ARID4A: variants seen among roughly 807,000 people sequenced by gnomAD.
ARID4A encodes AT-rich interaction domain 4A, also known as AT-rich interactive domain-containing protein 4A.
Under a neutral mutation model 148.6 loss-of-function variants are expected in ARID4A, and 39 were observed. That is an observed-to-expected ratio of 0.26 (90% CI 0.20 to 0.34). ARID4A has a LOEUF of 0.34. ARID4A is among the 10% of genes least tolerant of loss of function. The pLI is 1.00. For synonymous variants in ARID4A, 475 were observed against 481.2 expected, an observed-to-expected ratio of 0.99 and a Z score of 0.17; for missense variants, 1,265 against 1,449.1, an observed-to-expected ratio of 0.87 and a Z score of 2.06.
At chr14:58,365,467 C>CTTTTTTTTTTT (rs71107938) in intron 20 of ARID4A, 51 bp from the exon 21 acceptor site, 22 of 351,580 alleles carry the variant, frequency 6.3e-5, no homozygotes, top group South Asian at 1.6e-4. Context: ...TATACTTGCT[C>CTTTTTTTTTTT]TTTTTTTTTT....
At chr14:58,364,127 T>C in intron 19 of ARID4A, 43 bp from the exon 20 acceptor site, 1 of 983,366 alleles carries the variant, frequency 1.0e-6, no homozygotes, top group Non-Finnish European at 1.4e-6. Flanking sequence ...ATTACATTGG[T>C]AATATAAAAA....
At chr14:58,333,161 G>GT (rs2033626775) in intron 11 of ARID4A, among the ~76,000 whole-genome samples, 1 of 151,912 alleles carries the variant, frequency 6.6e-6, no homozygotes, top group African/African-American at 2.4e-5. Flanking sequence ...CAGAAAGTAG[G>GT]TTTTATCTAT....
intron 7 of ARID4A, among the ~76,000 whole-genome samples, chr14:58,319,454 A>G (rs1432534298): frequency 1.3e-5 from 2 of 150,708 alleles, no homozygotes; most frequent in East Asian, 3.9e-4. Flanking sequence ...TTTTACTTCA[A>G]AAACATTTCA....
chr14:58,361,947 A>G (rs920281223), intron 19 of ARID4A, among the ~76,000 whole-genome samples: 2 of 152,248 alleles, frequency 1.3e-5, no homozygotes, highest in Non-Finnish European at 2.9e-5. Context: ...TTTGATTTGA[A>G]GAAAATATTT....
intron 5 of ARID4A, among the ~76,000 whole-genome samples, chr14:58,311,977 A>G (rs1321972781): frequency 3.3e-5 from 5 of 152,166 alleles, no homozygotes; most frequent in African/African-American, 9.7e-5. Flanking sequence ...AAATGATACA[A>G]AATTTCAGTT....
chr14:58,353,588 G>A, intron 16 of ARID4A, 70 bp from the exon 17 acceptor site: 1 of 1,348,596 alleles, frequency 7.4e-7, no homozygotes. Flanking sequence ...TCTACCTGTT[G>A]GATTCTTTTA....
intron 19 of ARID4A, among the ~76,000 whole-genome samples, chr14:58,363,559 C>T (rs1262069357): frequency 6.6e-6 from 1 of 151,936 alleles, no homozygotes; most frequent in African/African-American, 2.4e-5. Flanking sequence ...ATTAGCCGGG[C>T]GTGGTGGCCT....
chr14:58,301,472 A>G, intron 2 of ARID4A, 108 bp from the exon 3 acceptor site: 1 of 642,996 alleles, frequency 1.6e-6, no homozygotes, highest in Non-Finnish European at 2.6e-6. Flanking sequence ...TTAATAAGCA[A>G]GTCATTTTAA....
intron 11 of ARID4A, among the ~76,000 whole-genome samples, chr14:58,339,628 AATAAG>A (rs1279746842): frequency 6.6e-6 from 1 of 152,080 alleles, no homozygotes; most frequent in African/African-American, 2.4e-5. Flanking sequence ...CTCCTACAAA[AATAAG>A]ATATCTTATT....
chr14:58,358,784 C>T (rs1283475030), intron 17 of ARID4A, among the ~76,000 whole-genome samples: 4 of 152,116 alleles, frequency 2.6e-5, no homozygotes, highest in Admixed American at 6.5e-5. Flanking sequence ...TTCAATAGCA[C>T]GAATTCTATT....
chr14:58,322,976 A>AT (rs2032992361), intron 7 of ARID4A, among the ~76,000 whole-genome samples: 4 of 143,488 alleles, frequency 2.8e-5, no homozygotes, highest in African/African-American at 1.0e-4. Flanking sequence ...AAAAAAAAAA[A>AT]AAAAATATAT....
At chr14:58,308,328 A>G (rs931669409) in intron 5 of ARID4A, among the ~76,000 whole-genome samples, 3 of 152,258 alleles carry the variant, frequency 2.0e-5, no homozygotes, top group African/African-American at 7.2e-5. Context: ...TGAGGATTTG[A>G]GGACCCCAAG....
At chr14:58,330,641 T>G (rs937900619) in intron 11 of ARID4A, among the ~76,000 whole-genome samples, 1 of 152,114 alleles carries the variant, frequency 6.6e-6, no homozygotes, top group African/African-American at 2.4e-5. Context: ...GTCTCAACTT[T>G]AAAACCTCTT....
At chr14:58,317,778 A>G (rs1270497019) in intron 5 of ARID4A, among the ~76,000 whole-genome samples, 1 of 151,222 alleles carries the variant, frequency 6.6e-6, no homozygotes, top group Admixed American at 6.6e-5. Context: ...GACCACAGGC[A>G]TGAGCCACCA....
At chr14:58,331,368 T>C (rs550241762) in intron 11 of ARID4A, 1 of 152,214 alleles carries the variant, frequency 6.6e-6, no homozygotes, top group African/African-American at 2.4e-5. Context: ...TGGAAGAGAA[T>C]GTAAGTAGTG....
chr14:58,339,708 T>G (rs1185432460), intron 11 of ARID4A, among the ~76,000 whole-genome samples: 2 of 152,094 alleles, frequency 1.3e-5, no homozygotes, highest in African/African-American at 4.8e-5. Context: ...TTTGTTAGAT[T>G]GGGTATTTTA....
chr14:58,327,355 A>G (rs1202039721), intron 8 of ARID4A, among the ~76,000 whole-genome samples: 3 of 152,212 alleles, frequency 2.0e-5, no homozygotes, highest in East Asian at 1.9e-4. Flanking sequence ...TAAAAAATAT[A>G]AAGTTCTATA....
At chr14:58,308,996 C>T (rs1594869851) in intron 5 of ARID4A, among the ~76,000 whole-genome samples, 1 of 152,154 alleles carries the variant, frequency 6.6e-6, no homozygotes, top group Non-Finnish European at 1.5e-5. Context: ...TTGCATAATA[C>T]AGGTATCAAT....
intron 3 of ARID4A, 27 bp from the exon 4 acceptor site, chr14:58,304,917 C>G: frequency 1.3e-6 from 2 of 1,583,254 alleles, no homozygotes; most frequent in Non-Finnish European, 1.7e-6. Context: ...AAGTAATATG[C>G]AAATTATTGT....
Sources: gnomAD v4.1 joint callset for allele counts (sites outside exome capture counted in the v4.1 genomes callset) on GRCh38, gnomAD v4.1.1 for gene constraint, MANE v1.5 for transcripts, NCBI Gene and HGNC (gene_info 2026-07-23, HGNC 2026-07-21) for gene names.